The following PAPPA2 variants were observed in gnomAD, a reference collection of about 807,000 sequenced individuals.
PAPPA2 encodes pappalysin 2.
In PAPPA2, 86 loss-of-function variants were observed where a neutral mutation model predicts 176.4. The observed-to-expected ratio is 0.49, with a 90% CI of 0.41 to 0.58. The LOEUF is 0.58. Ranked by LOEUF, PAPPA2 falls within the 20% of genes least tolerant of loss-of-function variation. PAPPA2 has a pLI of 0.00. For synonymous variants in PAPPA2, 809 were observed against 852.2 expected (o/e 0.95, Z 0.88); for missense variants, 2,073 against 2,256.9 (o/e 0.92, Z 1.65).
At chr1:176,798,389 A>G (rs1665535522) in intron 20 of PAPPA2, among the ~76,000 whole-genome samples, 1 of 152,164 alleles carries the variant, frequency 6.6e-6, no homozygotes, top group Admixed American at 6.5e-5. Context: ...TGAGGTATTT[A>G]TATGTTTGGT....
intron 1 of PAPPA2, among the ~76,000 whole-genome samples, chr1:176,471,739 C>T (rs1016258666): frequency 1.3e-5 from 2 of 152,194 alleles, no homozygotes; most frequent in Admixed American, 6.5e-5. Flanking sequence ...GTGATATATC[C>T]TTTCAATCTC....
intron 4 of PAPPA2, among the ~76,000 whole-genome samples, chr1:176,672,598 T>C (rs1027681753): frequency 6.6e-6 from 1 of 151,226 alleles, no homozygotes; most frequent in African/African-American, 2.4e-5. Context: ...AAAAGATTGC[T>C]GTTCAATGCT....
chr1:176,695,637 C>A, intron 6 of PAPPA2, 101 bp from the exon 7 acceptor site: 2 of 1,370,120 alleles, frequency 1.5e-6, no homozygotes, highest in African/African-American at 1.4e-5. Context: ...TACTAACCAT[C>A]AACCCCTGCC....
chr1:176,755,803 G>A (rs1663388007), intron 14 of PAPPA2, among the ~76,000 whole-genome samples: 1 of 152,082 alleles, frequency 6.6e-6, no homozygotes, highest in African/African-American at 2.4e-5. Context: ...TTTAACTACT[G>A]AAAGCCTGCT....
In PAPPA2 at chr1:176,680,053, A is replaced by G. The variant is rs566596145; in HGVS notation, c.2137+8938A>G. Among the ~76,000 whole-genome samples the G allele has an allele frequency of 3.2e-4, 48 of 152,328 alleles. 1 individual carries two copies. The Middle Eastern group carries it at 0.01, about 32-fold the overall frequency. On this transcript the variant is annotated intron_variant, in intron 4 of 22. Transcript: ENST00000367662. ...GAGAAAAGAAGGAAGTATAGAAGGAATGGATACTGGGTAAGACATTAAAAG... is the reference window on the plus strand; with the variant it reads ...GAGAAAAGAAGGAAGTATAGAAGGAGTGGATACTGGGTAAGACATTAAAAG...
At chr1:176,600,662 C>T (rs375095218) in intron 3 of PAPPA2, among the ~76,000 whole-genome samples, 25 of 118,896 alleles carry the variant, frequency 2.1e-4, no homozygotes, top group African/African-American at 8.9e-4. Context: ...GGCGACAGAG[C>T]GAGACTCCGT....
At chr1:176,650,866 T>C (rs1370226355) in intron 3 of PAPPA2, among the ~76,000 whole-genome samples, 1 of 151,744 alleles carries the variant, frequency 6.6e-6, no homozygotes, top group Non-Finnish European at 1.5e-5. Flanking sequence ...TTCCTAGATC[T>C]ATTATAGGCT....
At chr1:176,808,135 C>T (rs558212951) in intron 21 of PAPPA2, among the ~76,000 whole-genome samples, 2 of 147,802 alleles carry the variant, frequency 1.4e-5, no homozygotes, top group Admixed American at 6.6e-5. Context: ...ATGGATTCAG[C>T]TTATAGTGTA....
chr1:176,619,252 T>TGAA (rs1400980382), intron 3 of PAPPA2, among the ~76,000 whole-genome samples: 1 of 152,188 alleles, frequency 6.6e-6, no homozygotes, highest in Non-Finnish European at 1.5e-5. Context: ...TTAAACAGAT[T>TGAA]GAAGTTAAAT....
chr1:176,691,145 C>G (rs1473662493), intron 5 of PAPPA2: 2 of 984,670 alleles, frequency 2.0e-6, no homozygotes, highest in African/African-American at 3.5e-5. Flanking sequence ...GTAATAGTGA[C>G]TGGTTTCCTA....
intron 3 of PAPPA2, among the ~76,000 whole-genome samples, chr1:176,666,598 T>TGAGA (rs1212034462): frequency 5.8e-5 from 8 of 138,824 alleles, no homozygotes; most frequent in African/African-American, 2.0e-4. Flanking sequence ...TGTGTGTGTG[T>TGAGA]GTGTGTGTGT....
chr1:176,807,526 C>T (rs1384216592), intron 21 of PAPPA2, among the ~76,000 whole-genome samples: 1 of 148,578 alleles, frequency 6.7e-6, no homozygotes, highest in African/African-American at 2.5e-5. Flanking sequence ...GAAAGAGCCT[C>T]ACTCTGTCAC....
chr1:176,510,781 A>T (rs1484650955), intron 1 of PAPPA2, among the ~76,000 whole-genome samples: 1 of 150,412 alleles, frequency 6.6e-6, no homozygotes, highest in Admixed American at 6.7e-5. Flanking sequence ...ATAAGCTAAA[A>T]TGTATATTTT....
chr1:176,840,185 G>A lies in PAPPA2; in HGVS notation c.5215G>A (p.Asp1739Asn). 6.2e-7 allele frequency: 1 copy of A among 1,613,254 alleles called. No individual in the cohort carries two copies. The highest frequency in any genetic ancestry group is 8.5e-7 in the Non-Finnish European group (1 of 1,179,462). Residue 1739 changes from aspartate to asparagine, a missense_variant, in exon 22 of 23, where the codon GAT (aspartate) becomes AAT (asparagine). Physicochemically the swap from Asp to Asn is conservative, Grantham distance 23. Around this residue, in one of 4 missense-constraint regions of PAPPA2, gnomAD observed 846 missense variants for 857.9 expected, o/e 0.99. Transcript: ENST00000367662. ...CIQSCEPFQADGWCDTINNRA... is the reference protein window; with the variant it reads ...CIQSCEPFQANGWCDTINNRA... ...AACCTCCCTACAGCCCTTCCAAGCA[G>A]ATGGTTGGTGTGACACTATCAACAA...
intron 14 of PAPPA2, among the ~76,000 whole-genome samples, chr1:176,751,305 C>T (rs1410957303): frequency 1.3e-5 from 2 of 151,234 alleles, no homozygotes; most frequent in Admixed American, 1.3e-4. Flanking sequence ...TCCAAAACAC[C>T]AAAAGCAATG....
chr1:176,697,935 A>G (rs1421076582), intron 7 of PAPPA2, among the ~76,000 whole-genome samples: 1 of 152,204 alleles, frequency 6.6e-6, no homozygotes, highest in Non-Finnish European at 1.5e-5. Flanking sequence ...ACTCATAATA[A>G]ATGAATCAAC....
intron 3 of PAPPA2, among the ~76,000 whole-genome samples, chr1:176,663,218 T>A (rs1658449047): frequency 6.6e-6 from 1 of 152,204 alleles, no homozygotes; most frequent in Non-Finnish European, 1.5e-5. Flanking sequence ...GAGTTTCATT[T>A]CTATTTTATT....
chr1:176,672,398 C>A (rs1659058932), intron 4 of PAPPA2, among the ~76,000 whole-genome samples: 1 of 151,918 alleles, frequency 6.6e-6, no homozygotes, highest in African/African-American at 2.4e-5. Flanking sequence ...AAATAAGAAG[C>A]AGAGAGGAAT....
chr1:176,476,595 C>G (rs2102472257), intron 1 of PAPPA2, among the ~76,000 whole-genome samples: 1 of 152,320 alleles, frequency 6.6e-6, no homozygotes, highest in South Asian at 2.1e-4. Context: ...CTCTGGCCCA[C>G]TAATACAATT....
Sources: allele counts gnomAD v4.1 joint callset (sites outside exome capture counted in the v4.1 genomes callset), GRCh38; gene constraint gnomAD v4.1.1; regional missense constraint gnomAD v4.1.1; transcripts MANE v1.5; gene names NCBI Gene and HGNC (gene_info 2026-07-23, HGNC 2026-07-21).